The following KCNC2 variants were observed in gnomAD, a reference collection of about 807,000 sequenced individuals.
KCNC2 encodes the protein potassium voltage-gated channel subfamily C member 2.
Under a neutral mutation model 44.5 loss-of-function variants are expected in KCNC2, and 21 were observed. The observed-to-expected ratio is 0.47, with a 90% CI of 0.33 to 0.68. The LOEUF is 0.68. Ranked by LOEUF, KCNC2 falls within the 30% of genes least tolerant of loss-of-function variation. The probability of loss-of-function intolerance (pLI) is 0.01; values close to 1 mark genes in which losing one functional copy is unlikely to be tolerated. For missense variants in KCNC2, 589 were observed against 826.2 expected, an observed-to-expected ratio of 0.71 and a Z score of 3.52; for synonymous variants, 391 against 339.1, an observed-to-expected ratio of 1.15 and a Z score of -1.68.
chr12:75,079,749 A>C (rs1298144128), intron 2 of KCNC2, among the ~76,000 whole-genome samples: 1 of 152,162 alleles, frequency 6.6e-6, no homozygotes, highest in Admixed American at 6.6e-5. Context: ...TTAGCTCTTA[A>C]TTAGGGTTTC....
chr12:75,129,088 A>T (rs1183198784), intron 2 of KCNC2, among the ~76,000 whole-genome samples: 1 of 152,210 alleles, frequency 6.6e-6, no homozygotes, highest in East Asian at 1.9e-4. Flanking sequence ...AGCTAGTAAT[A>T]GTTGCTCTAT....
intron 2 of KCNC2, among the ~76,000 whole-genome samples, chr12:75,142,021 C>T (rs533404764): frequency 2.6e-5 from 4 of 152,198 alleles, no homozygotes; most frequent in South Asian, 2.1e-4. Flanking sequence ...CTTAGAGCTA[C>T]GCAAGTAGTA....
intron 2 of KCNC2, among the ~76,000 whole-genome samples, chr12:75,092,567 A>G (rs1158803336): frequency 1.3e-5 from 2 of 151,694 alleles, no homozygotes; most frequent in Non-Finnish European, 3.0e-5. Context: ...GACAACTTAT[A>G]TAAATATCTT....
intron 2 of KCNC2, among the ~76,000 whole-genome samples, chr12:75,084,401 C>T (rs981486305): frequency 1.6e-4 from 24 of 151,784 alleles, no homozygotes; most frequent in Non-Finnish European, 2.8e-4. Context: ...TTGTATCCCC[C>T]AGAATTCCCA....
intron 2 of KCNC2, among the ~76,000 whole-genome samples, chr12:75,195,025 A>G (rs2030640688): frequency 6.6e-6 from 1 of 152,160 alleles, no homozygotes; most frequent in South Asian, 2.1e-4. Context: ...GAGTATTTTG[A>G]ACTTCAGAAT....
intron 2 of KCNC2, among the ~76,000 whole-genome samples, chr12:75,170,937 C>T (rs1891774537): frequency 6.6e-6 from 1 of 151,754 alleles, no homozygotes; most frequent in Middle Eastern, 3.2e-3. Flanking sequence ...AGATTGTTGT[C>T]AGAATTTTGT....
chr12:75,107,038 C>T (rs1886842115), intron 2 of KCNC2, among the ~76,000 whole-genome samples: 1 of 151,880 alleles, frequency 6.6e-6, no homozygotes, highest in Non-Finnish European at 1.5e-5. Flanking sequence ...GGCGTGGTGG[C>T]TCACGCCTGT....
At chr12:75,175,519 C>G (rs898537576) in intron 2 of KCNC2, among the ~76,000 whole-genome samples, 34 of 151,906 alleles carry the variant, frequency 2.2e-4, no homozygotes, top group African/African-American at 7.7e-4. Context: ...TTGATGGGTA[C>G]AAGGGACTAT....
chr12:75,051,368 T>G (rs753343577), intron 2 of KCNC2, 51 bp from the exon 3 acceptor site: 1 of 1,022,108 alleles, frequency 9.8e-7, no homozygotes, highest in East Asian at 2.6e-5. Context: ...AATCGTAATA[T>G]ATGTTGATTC....
chr12:75,070,833 T>G (rs1883327236), intron 2 of KCNC2, among the ~76,000 whole-genome samples: 1 of 152,090 alleles, frequency 6.6e-6, no homozygotes, highest in African/African-American at 2.4e-5. Flanking sequence ...GATAAACTAT[T>G]TTTTAGAATA....
chr12:75,116,358 T>A (rs1248966409), intron 2 of KCNC2, among the ~76,000 whole-genome samples: 1 of 152,124 alleles, frequency 6.6e-6, no homozygotes. Context: ...TTGTTGGAAT[T>A]GTTATTATTA....
chr12:75,092,999 T>C (rs1021267562), intron 2 of KCNC2, among the ~76,000 whole-genome samples: 1 of 150,810 alleles, frequency 6.6e-6, no homozygotes, highest in Non-Finnish European at 1.5e-5. Context: ...TGTGTGATTG[T>C]GATTTGACCT....
intron 2 of KCNC2, among the ~76,000 whole-genome samples, chr12:75,182,786 C>G (rs982747353): frequency 2.0e-5 from 3 of 152,154 alleles, no homozygotes; most frequent in Non-Finnish European, 2.9e-5. Flanking sequence ...AACATTCACA[C>G]TAAGTGGGAT....
chr12:75,121,346 T>G (rs1036457137), intron 2 of KCNC2, among the ~76,000 whole-genome samples: 3 of 152,208 alleles, frequency 2.0e-5, no homozygotes, highest in African/African-American at 7.2e-5. Context: ...CTGCAATTAG[T>G]GAGCACAGGG....
intron 3 of KCNC2, among the ~76,000 whole-genome samples, chr12:75,050,184 C>A (rs971837543): frequency 6.6e-6 from 1 of 151,706 alleles, no homozygotes; most frequent in Admixed American, 6.6e-5. Context: ...ACTCTATAGA[C>A]CAGCTATGCC....
chr12:75,127,084 T>C (rs1888480842), intron 2 of KCNC2, among the ~76,000 whole-genome samples: 1 of 152,212 alleles, frequency 6.6e-6, no homozygotes, highest in Admixed American at 6.5e-5. Flanking sequence ...GTTAGTGTTT[T>C]GGGTTTGGCA....
At position 75,061,683 on chromosome 12, in the gene KCNC2, A is replaced by G. The variant is rs1401720901; in HGVS notation, c.688-10366T>C. Among the ~76,000 whole-genome samples the G allele has an allele frequency of 2.0e-5, 3 of 151,972 alleles. No individual in the cohort carries two copies. The East Asian group carries it at 5.8e-4, about 29-fold the overall frequency. ...TCCATAGAGGTCATCACAAATATTCATAATTTTTATAGGGCTTAACAGTGA... is the reference window on the plus strand; with the variant it reads ...TCCATAGAGGTCATCACAAATATTCGTAATTTTTATAGGGCTTAACAGTGA... On this transcript the variant is annotated intron_variant, in intron 2 of 4. Transcript: ENST00000549446.
chr12:75,136,228 T>C (rs1889220852), intron 2 of KCNC2, among the ~76,000 whole-genome samples: 1 of 151,858 alleles, frequency 6.6e-6, no homozygotes, highest in African/African-American at 2.4e-5. Flanking sequence ...CTACATTTTC[T>C]AAAAAATCGA....
chr12:75,101,880 G>T (rs1029819374), intron 2 of KCNC2, among the ~76,000 whole-genome samples: 2 of 152,018 alleles, frequency 1.3e-5, no homozygotes, highest in South Asian at 2.1e-4. Flanking sequence ...AAGAGGAAAA[G>T]ACTACATTTA....
Sources: allele counts gnomAD v4.1 joint callset (sites outside exome capture counted in the v4.1 genomes callset), GRCh38; gene constraint gnomAD v4.1.1; transcripts MANE v1.5; gene names NCBI Gene and HGNC (gene_info 2026-07-23, HGNC 2026-07-21).